NMT2: variants seen among roughly 807,000 people sequenced by gnomAD.
NMT2 encodes N-myristoyltransferase 2, also known as glycylpeptide N-tetradecanoyltransferase 2.
NMT2 carries 35 observed loss-of-function variants against 65.4 expected under a neutral mutation model. The ratio of observed to expected loss-of-function variants is 0.54; its 90% CI spans 0.41 to 0.71. NMT2 has a LOEUF of 0.71. NMT2 is among the 30% of genes least tolerant of loss of function. The probability of loss-of-function intolerance (pLI) is 0.00; values close to 1 mark genes in which losing one functional copy is unlikely to be tolerated. For missense variants in NMT2, 489 were observed against 611.3 expected (o/e 0.80, Z 2.11); for synonymous variants, 226 against 231.8 (o/e 0.98, Z 0.23).
intron 1 of NMT2, among the ~76,000 whole-genome samples, chr10:15,159,306 T>C (rs1468862959): frequency 3.3e-5 from 5 of 152,222 alleles, no homozygotes; most frequent in Non-Finnish European, 7.3e-5. Context: ...CCTTGGGTAC[T>C]TGACTTTCTA....
At chr10:15,114,570 A>G (rs9651543) in intron 9 of NMT2, among the ~76,000 whole-genome samples, 20,390 of 152,248 alleles carry the variant, frequency 0.13, 1,405 homozygotes, top group Middle Eastern at 0.23. Context: ...CTATTATTAC[A>G]TACACTGTTC....
rs1272267898 is a variant in NMT2 at position 15,107,234 on chromosome 10, A to G, written c.*1961T>C. On this transcript the variant is annotated 3_prime_UTR_variant, in exon 12 of 12. Transcript: ENST00000378165. ...GTCATTTTTTGGCTTTTTCTCCTCA[A>G]CCATTCCAGAAAATAAAAACATTCT... 2 of 696,634 alleles carry G rather than the reference A, an allele frequency of 2.9e-6. No homozygotes were observed. Among genetic ancestry groups the G allele is most frequent in the African/African-American group, 3.9e-5 (2 of 51,304 alleles). The allele number at this position is 696,634 out of a possible 1,614,324, so 43.2% of individuals were successfully genotyped here.
At chr10:15,127,571 T>TAAAAAAAA (rs1222509538) in intron 8 of NMT2, among the ~76,000 whole-genome samples, 1 of 75,820 alleles carries the variant, frequency 1.3e-5, no homozygotes, top group Non-Finnish European at 2.2e-5. Context: ...AAAAAAAAAA[T>TAAAAAAAA]AAATAAATAA....
At chr10:15,158,477 A>G (rs989384457) in intron 1 of NMT2, among the ~76,000 whole-genome samples, 1 of 152,202 alleles carries the variant, frequency 6.6e-6, no homozygotes, top group Admixed American at 6.5e-5. Context: ...ACATATTCTT[A>G]ATGCATATAA....
chr10:15,151,380 A>G (rs1247225160), intron 1 of NMT2, among the ~76,000 whole-genome samples: 2 of 152,092 alleles, frequency 1.3e-5, no homozygotes, highest in Non-Finnish European at 1.5e-5. Context: ...CATAATTATC[A>G]AACAATTTTG....
rs1384097137 is a variant in NMT2, at chr10:15,109,152, TAAC to T, written c.*40_*42del. On this transcript the variant is annotated 3_prime_UTR_variant, in exon 12 of 12. Coordinates refer to ENST00000378165, the MANE Select transcript of NMT2 (RefSeq NM_004808.3). ...GGCAGTTCCAGAAATCATTAAATAT[TAAC>T]AAATGATGATGTCAGAGTTCTAGAA... 2.5e-6 allele frequency: 4 copies of T among 1,598,252 alleles called. No homozygotes were observed. Among genetic ancestry groups the T allele is most frequent in the Middle Eastern group, 3.3e-4 (2 of 6,004 alleles).
intron 1 of NMT2, among the ~76,000 whole-genome samples, chr10:15,151,349 G>C (rs956810893): frequency 6.6e-6 from 1 of 152,150 alleles, no homozygotes; most frequent in Non-Finnish European, 1.5e-5. Flanking sequence ...GAGCCACAGT[G>C]CCTGGCCAGC....
At chr10:15,160,647 G>A (rs183692137) in intron 1 of NMT2, among the ~76,000 whole-genome samples, 3 of 151,978 alleles carry the variant, frequency 2.0e-5, no homozygotes, top group African/African-American at 2.4e-5. Flanking sequence ...GGTAGTGTGC[G>A]TCTATAATCC....
intron 2 of NMT2, among the ~76,000 whole-genome samples, chr10:15,137,304 A>C (rs953973874): frequency 1.3e-5 from 2 of 152,098 alleles, no homozygotes; most frequent in Non-Finnish European, 2.9e-5. Context: ...TCTGCTTGGA[A>C]GTCTCACAGC....
Position 15,106,801 on chromosome 10 carries a change from G to A in NMT2, c.*2394C>T, listed in dbSNP as rs1845318452. The A allele has an allele frequency of 3.9e-6, 1 of 258,876 alleles. No homozygotes were observed. Among genetic ancestry groups the A allele is most frequent in the Admixed American group, 6.5e-5 (1 of 15,406 alleles). The allele number at this position is 258,876 out of a possible 1,614,324, so 16.0% of individuals were successfully genotyped here. A position where few individuals can be genotyped will look rare whatever the true frequency, so the allele number is the denominator to read the frequency against. On this transcript the variant is annotated 3_prime_UTR_variant, in exon 12 of 12. Transcript: ENST00000378165. ...AGTGTGAAGCAGCCATAGGCAATAT[G>A]TAAATGAAAGTGGCTGTGGCCAAGA...
chr10:15,117,409 C>T (rs1216594469), intron 9 of NMT2, among the ~76,000 whole-genome samples: 3 of 152,154 alleles, frequency 2.0e-5, no homozygotes, highest in Non-Finnish European at 4.4e-5. Flanking sequence ...TGATTAGGAG[C>T]ACCCACAGAA....
chr10:15,131,362 G>A (rs1589317328), intron 6 of NMT2, among the ~76,000 whole-genome samples: 1 of 150,888 alleles, frequency 6.6e-6, no homozygotes, highest in South Asian at 2.1e-4. Flanking sequence ...TGTTGACCAG[G>A]CTGGTCTCGA....
chr10:15,158,593 G>A (rs974702721), intron 1 of NMT2, among the ~76,000 whole-genome samples: 1 of 152,230 alleles, frequency 6.6e-6, no homozygotes, highest in African/African-American at 2.4e-5. Context: ...ACCAGGTATT[G>A]CAAGGATTGG....
At chr10:15,127,576 AAAT>A (rs1266986194) in intron 8 of NMT2, among the ~76,000 whole-genome samples, 2 of 79,066 alleles carry the variant, frequency 2.5e-5, no homozygotes, top group African/African-American at 5.4e-4. Context: ...AAAAATAAAT[AAAT>A]AAATAAATAA....
At chr10:15,158,981 T>C (rs1018520562) in intron 1 of NMT2, among the ~76,000 whole-genome samples, 9 of 152,202 alleles carry the variant, frequency 5.9e-5, no homozygotes, top group South Asian at 2.1e-4. Flanking sequence ...AACATATGAA[T>C]TGGCAGGGAG....
chr10:15,113,031 T>G (rs922508628), intron 9 of NMT2, 68 bp from the exon 10 acceptor site: 6 of 1,465,818 alleles, frequency 4.1e-6, no homozygotes, highest in African/African-American at 2.8e-5. Flanking sequence ...TTCCACTAAC[T>G]CTGTTCTCTC....
chr10:15,141,019 A>G (rs1846736439), intron 2 of NMT2: 1 of 1,550,968 alleles, frequency 6.4e-7, no homozygotes, highest in East Asian at 2.4e-5. Flanking sequence ...CTGCTGCCAG[A>G]TGGTGTTGTG....
chr10:15,158,245 G>A (rs1179912624), intron 1 of NMT2, among the ~76,000 whole-genome samples: 2 of 151,920 alleles, frequency 1.3e-5, no homozygotes, highest in African/African-American at 4.8e-5. Context: ...GAACCCAGGA[G>A]GTGGAGGTTG....
At chr10:15,138,666 A>C (rs1165164248) in intron 2 of NMT2, among the ~76,000 whole-genome samples, 1 of 152,210 alleles carries the variant, frequency 6.6e-6, no homozygotes, top group Non-Finnish European at 1.5e-5. Flanking sequence ...AGTTTATAAG[A>C]ATCCAAATAT....
Sources: allele counts gnomAD v4.1 joint callset (sites outside exome capture counted in the v4.1 genomes callset), GRCh38; gene constraint gnomAD v4.1.1; transcripts MANE v1.5; gene names NCBI Gene and HGNC (gene_info 2026-07-23, HGNC 2026-07-21).